ZC3H13: variants seen among roughly 807,000 people sequenced by gnomAD.
ZC3H13 encodes zinc finger CCCH-type containing 13.
In ZC3H13, 64 loss-of-function variants were observed where a neutral mutation model predicts 204.1. That is an observed-to-expected ratio of 0.31 (90% CI 0.26 to 0.39). The LOEUF is 0.39. Among genes scored for constraint, ZC3H13 ranks in the 10% least tolerant of loss-of-function variants. The probability of loss-of-function intolerance (pLI) is 1.00; values close to 1 mark genes in which losing one functional copy is unlikely to be tolerated. For missense variants in ZC3H13, 1,833 were observed against 2,082.7 expected, an observed-to-expected ratio of 0.88 and a Z score of 2.33; for synonymous variants, 667 against 693.7, an observed-to-expected ratio of 0.96 and a Z score of 0.60.
At chr13:46,003,984 T>C (rs2040939639) in intron 7 of ZC3H13, among the ~76,000 whole-genome samples, 1 of 152,176 alleles carries the variant, frequency 6.6e-6, no homozygotes, top group Non-Finnish European at 1.5e-5. Flanking sequence ...AAAGCAAAAA[T>C]AGACAAATGA....
At chr13:46,044,844 C>T in intron 3 of ZC3H13, 111 bp downstream of exon 3, 1 of 595,990 alleles carries the variant, frequency 1.7e-6, no homozygotes, top group Non-Finnish European at 2.7e-6. Flanking sequence ...AGACTACCAC[C>T]AATATAGAAA....
At chr13:45,979,427 T>C (rs1159022098) in intron 11 of ZC3H13, among the ~76,000 whole-genome samples, 1 of 152,202 alleles carries the variant, frequency 6.6e-6, no homozygotes, top group Non-Finnish European at 1.5e-5. Flanking sequence ...TATAAAATTC[T>C]ATTGATCATA....
In ZC3H13 at chr13:46,044,978, T is replaced by A. The variant is rs374452025; in HGVS notation, c.204A>T (p.Lys68Asn). The A allele has an allele frequency of 7.4e-6, 12 of 1,612,568 alleles. No homozygotes were observed. The African/African-American group carries it at 1.5e-4, about 20-fold the overall frequency. ...ACCTTCTATAATTGCTGCTATAACC[T>A]TTACCACGAGGTGAAGGGCCATGTA... is the stretch of plus-strand genomic sequence containing the variant. ...RFVHGPSPRG[K>N]GYSSNYRRSP... The change falls in exon 3 of 19, where the codon AAA (lysine) becomes AAT (asparagine). Residue 68 changes from lysine (K) to asparagine (N), a missense_variant. Transcript: ENST00000679008.
Position 45,963,306 on chromosome 13 carries a change from T to C in ZC3H13, c.4675+536A>G, listed in dbSNP as rs1043965221. The C allele has an allele frequency of 7.5e-5, 74 of 986,748 alleles. No individual in the cohort carries two copies. The African/African-American group carries it at 1.2e-3, about 16-fold the overall frequency. 61.1% of individuals were successfully genotyped at this position (986,748 alleles called of 1,614,324 possible). A position where few individuals can be genotyped will look rare whatever the true frequency, so the allele number is the denominator to read the frequency against. Reference sequence around the variant, plus strand: ...TGGGTAGATGTCTAGGGGAAAGGGCTGCCAAAATACCCAATTTCTTTAGAC... The same window carrying C: ...TGGGTAGATGTCTAGGGGAAAGGGCCGCCAAAATACCCAATTTCTTTAGAC... On this transcript the variant is annotated intron_variant, in intron 17 of 18. Transcript: ENST00000679008.
At chr13:45,967,285 A>T (rs1400319189) in intron 15 of ZC3H13, among the ~76,000 whole-genome samples, 1 of 152,160 alleles carries the variant, frequency 6.6e-6, no homozygotes, top group Non-Finnish European at 1.5e-5. Flanking sequence ...ATGTGAACCA[A>T]ATCTGCCTTA....
chr13:45,958,944 A>G (rs111942221), intron 18 of ZC3H13, among the ~76,000 whole-genome samples: 2,459 of 152,078 alleles, frequency 0.016, 24 homozygotes, highest in South Asian at 0.054. Context: ...ATGAGCCACC[A>G]CGCCCGGCCA....
chr13:46,019,170 AC>A (rs2042083161), intron 5 of ZC3H13, among the ~76,000 whole-genome samples: 1 of 152,162 alleles, frequency 6.6e-6, no homozygotes, highest in African/African-American at 2.4e-5. Flanking sequence ...AGATGTATTT[AC>A]AATACTTTAC....
At chr13:46,019,815 G>A (rs1028186863) in intron 5 of ZC3H13, among the ~76,000 whole-genome samples, 3 of 152,074 alleles carry the variant, frequency 2.0e-5, no homozygotes, top group Admixed American at 2.0e-4. Context: ...AAACTCCTGG[G>A]CTAAAGTGGT....
chr13:45,964,192 C>T, intron 16 of ZC3H13, 150 bp from the exon 17 acceptor site: 2 of 695,874 alleles, frequency 2.9e-6, no homozygotes, highest in Non-Finnish European at 4.5e-6. Context: ...AAAAGCCTTC[C>T]CATATAATAC....
intron 18 of ZC3H13, among the ~76,000 whole-genome samples, chr13:45,958,756 G>A (rs562161038): frequency 1.4e-4 from 20 of 147,062 alleles, no homozygotes; most frequent in South Asian, 6.6e-4. Context: ...CCTGGTTTAC[G>A]CCATTCTCCT....
chr13:45,969,673 C>A lies in ZC3H13; in HGVS notation c.2871G>T (p.Lys957Asn), dbSNP rs770218245. ...ETSDRAHDEN[K>N]KKAKIQKKPI... is the part of the protein sequence containing the mutation. ...GTTTCTTTTGAATTTTTGCTTTCTT[C>A]TTGTTTTCATCATGAGCTCGATCAG... The change falls in exon 14 of 19, where the codon AAG becomes AAT. Residue 957 changes from lysine to asparagine, a missense_variant. Physicochemically the swap from Lys to Asn is moderately conservative, Grantham distance 94. This residue lies in a region of ZC3H13 where 1,574 missense variants were observed against 1,757.2 expected (regional missense o/e 0.90). Transcript: ENST00000679008. 29 of 1,610,018 alleles carry A rather than the reference C, an allele frequency of 1.8e-5. No individual in the cohort carries two copies. The highest frequency in any genetic ancestry group is 1.6e-4 in the Middle Eastern group (1 of 6,066).
chr13:45,979,868 A>C lies in ZC3H13; in HGVS notation c.1857T>G (p.Asp619Glu), dbSNP rs752904665. 1.7e-5 allele frequency: 28 copies of C among 1,606,570 alleles called. No homozygotes were observed. The East Asian group carries it at 6.1e-4, about 35-fold the overall frequency. Residue 619 changes from aspartate (D) to glutamate (E), a missense_variant, in exon 11 of 19, where the codon GAT becomes GAG. Physicochemically the swap from Asp to Glu is conservative, Grantham distance 45. Coordinates refer to ENST00000679008, the MANE Select transcript of ZC3H13 (RefSeq NM_001330564.2). ...CTCCATGTCTTCTCTCAAAGGAAGA[A>C]TCCCTTGCTTGATCTCTGTTGTCTC... Reference protein sequence around the residue: ...PERDNRDQARDSSFERRHGER... With the variant: ...PERDNRDQARESSFERRHGER...
intron 5 of ZC3H13, among the ~76,000 whole-genome samples, chr13:46,011,985 A>C (rs2041597513): frequency 6.6e-6 from 1 of 152,216 alleles, no homozygotes; most frequent in African/African-American, 2.4e-5. Flanking sequence ...AAGTGAGGTT[A>C]TATTACGTGT....
chr13:46,011,638 T>C (rs2138666614), intron 5 of ZC3H13, 84 bp from the exon 6 acceptor site: 1 of 1,115,534 alleles, frequency 9.0e-7, no homozygotes, highest in East Asian at 2.5e-5. Flanking sequence ...AACTAATTTC[T>C]TACACAAATC....
At chr13:46,036,911 G>T (rs900330047) in intron 4 of ZC3H13, among the ~76,000 whole-genome samples, 2 of 151,922 alleles carry the variant, frequency 1.3e-5, no homozygotes, top group Non-Finnish European at 2.9e-5. Flanking sequence ...TAGAGACGGG[G>T]TTTTGCTATG....
chr13:46,002,163 G>T (rs1399178134), intron 8 of ZC3H13, among the ~76,000 whole-genome samples: 1 of 152,060 alleles, frequency 6.6e-6, no homozygotes, highest in East Asian at 1.9e-4. Flanking sequence ...TGTTCAACAT[G>T]GCTAATCATC....
intron 8 of ZC3H13, among the ~76,000 whole-genome samples, chr13:45,995,866 C>A (rs1383947078): frequency 6.6e-6 from 1 of 152,130 alleles, no homozygotes; most frequent in Non-Finnish European, 1.5e-5. Context: ...ACAACCTGAT[C>A]CAACTACTAT....
intron 14 of ZC3H13, among the ~76,000 whole-genome samples, chr13:45,968,432 C>A (rs565849390): frequency 6.6e-6 from 1 of 152,220 alleles, no homozygotes; most frequent in East Asian, 1.9e-4. Context: ...GCCTTGACTG[C>A]ATGAAGAATA....
intron 1 of ZC3H13, among the ~76,000 whole-genome samples, chr13:46,050,587 G>A (rs2044334200): frequency 6.6e-6 from 1 of 151,994 alleles, no homozygotes; most frequent in South Asian, 2.1e-4. Context: ...TAAAAATAAG[G>A]TATCTTCACA....
Sources: allele counts gnomAD v4.1 joint callset (sites outside exome capture counted in the v4.1 genomes callset), GRCh38; gene constraint gnomAD v4.1.1; regional missense constraint gnomAD v4.1.1; transcripts MANE v1.5; gene names NCBI Gene and HGNC (gene_info 2026-07-23, HGNC 2026-07-21).